The following SPOCK1 variants were observed in gnomAD, a reference collection of about 807,000 sequenced individuals.
The protein encoded by SPOCK1 is testican-1.
SPOCK1 carries 23 observed loss-of-function variants against 55.3 expected under a neutral mutation model. The observed-to-expected ratio is 0.42, with a 90% confidence interval of 0.30 to 0.59. SPOCK1 has a LOEUF of 0.59. SPOCK1 is among the 20% of genes least tolerant of loss of function. The pLI is 0.22. For synonymous variants in SPOCK1, 226 were observed against 221.0 expected, an observed-to-expected ratio of 1.02 and a Z score of -0.20; for missense variants, 499 against 552.5, an observed-to-expected ratio of 0.90 and a Z score of 0.97.
chr5:137,044,257 G>A (rs1418426963), intron 6 of SPOCK1, among the ~76,000 whole-genome samples: 1 of 152,152 alleles, frequency 6.6e-6, no homozygotes, highest in Non-Finnish European at 1.5e-5. Flanking sequence ...TGTGTGCAAA[G>A]GCCTTCACAG....
chr5:137,226,677 C>T (rs1006554102), intron 3 of SPOCK1, among the ~76,000 whole-genome samples: 2 of 152,224 alleles, frequency 1.3e-5, no homozygotes, highest in Non-Finnish European at 2.9e-5. Context: ...TACCCGTAGG[C>T]TCAGGACTTG....
intron 2 of SPOCK1, among the ~76,000 whole-genome samples, chr5:137,301,943 G>C (rs745528091): frequency 6.6e-6 from 1 of 152,086 alleles, no homozygotes; most frequent in African/African-American, 2.4e-5. Context: ...TGACATCCAC[G>C]AGCCCACTCC....
chr5:137,137,304 T>G (rs1177144328), intron 4 of SPOCK1, among the ~76,000 whole-genome samples: 2 of 152,106 alleles, frequency 1.3e-5, no homozygotes, highest in Non-Finnish European at 2.9e-5. Flanking sequence ...GAGAGAAAGA[T>G]TACTTCCCTG....
At chr5:137,094,860 G>A (rs1753113174) in intron 5 of SPOCK1, among the ~76,000 whole-genome samples, 2 of 152,226 alleles carry the variant, frequency 1.3e-5, no homozygotes, top group African/African-American at 4.8e-5. Flanking sequence ...CAAGAGGCCT[G>A]GCTTTGGCCT....
At chr5:137,106,253 A>C (rs1485917634) in intron 5 of SPOCK1, among the ~76,000 whole-genome samples, 1 of 152,066 alleles carries the variant, frequency 6.6e-6, no homozygotes, top group African/African-American at 2.4e-5. Context: ...CTCCAGAGTG[A>C]GAAAGCCTGA....
chr5:137,274,017 G>A (rs543468525), intron 2 of SPOCK1, among the ~76,000 whole-genome samples: 1 of 152,330 alleles, frequency 6.6e-6, no homozygotes, highest in African/African-American at 2.4e-5. Context: ...GTCCTGGTCA[G>A]TCCATCCAAG....
chr5:137,395,484 C>T (rs1046215544), intron 2 of SPOCK1, among the ~76,000 whole-genome samples: 2 of 152,164 alleles, frequency 1.3e-5, no homozygotes, highest in Non-Finnish European at 2.9e-5. Context: ...AACAGGAGGA[C>T]ATTTTATCAG....
chr5:137,245,870 G>T (rs966327014), intron 3 of SPOCK1, among the ~76,000 whole-genome samples: 8 of 152,018 alleles, frequency 5.3e-5, no homozygotes, highest in Non-Finnish European at 1.0e-4. Context: ...TATACTGCCT[G>T]TCTATTAACA....
intron 3 of SPOCK1, among the ~76,000 whole-genome samples, chr5:137,259,487 T>C (rs1459866023): frequency 2.0e-5 from 3 of 151,802 alleles, no homozygotes; most frequent in African/African-American, 7.3e-5. Context: ...TGGGGCCTGT[T>C]GGGGGATGGG....
At chr5:137,126,527 C>T (rs1753784695) in intron 4 of SPOCK1, among the ~76,000 whole-genome samples, 1 of 152,138 alleles carries the variant, frequency 6.6e-6, no homozygotes, top group African/African-American at 2.4e-5. Flanking sequence ...CTTTGGGAGG[C>T]CAAAGCGGGT....
chr5:137,449,750 C>T (rs535513190), intron 2 of SPOCK1, among the ~76,000 whole-genome samples: 2 of 147,810 alleles, frequency 1.4e-5, no homozygotes, highest in East Asian at 4.0e-4. Context: ...AATAAAATAG[C>T]CAGGTGTAGT....
chr5:137,251,724 G>T (rs1038885456), intron 3 of SPOCK1, among the ~76,000 whole-genome samples: 1 of 152,132 alleles, frequency 6.6e-6, no homozygotes, highest in Admixed American at 6.5e-5. Context: ...GCATGAGAGA[G>T]CTCACAGTAA....
At chr5:137,121,319 C>T (rs567091586) in intron 4 of SPOCK1, among the ~76,000 whole-genome samples, 7 of 152,150 alleles carry the variant, frequency 4.6e-5, no homozygotes, top group East Asian at 1.9e-4. Context: ...TAAAGATCCA[C>T]AGACTGATAA....
intron 2 of SPOCK1, among the ~76,000 whole-genome samples, chr5:137,368,807 T>C (rs1463784117): frequency 6.6e-6 from 1 of 152,200 alleles, no homozygotes; most frequent in African/African-American, 2.4e-5. Flanking sequence ...GGACTGTGTG[T>C]TCCAGAGGAA....
intron 6 of SPOCK1, among the ~76,000 whole-genome samples, chr5:137,034,049 A>G (rs1751833334): frequency 6.6e-6 from 1 of 152,242 alleles, no homozygotes; most frequent in Non-Finnish European, 1.5e-5. Context: ...ACCTTGTAGC[A>G]CAGTGGCTGA....
Position 137,095,102 on chromosome 5 carries a change from A to C in SPOCK1, c.474+17333T>G, listed in dbSNP as rs1371979901. Among the ~76,000 whole-genome samples, 4 of 152,222 alleles carry C rather than the reference A, an allele frequency of 2.6e-5. No individual in the cohort carries two copies. In the South Asian group the frequency reaches 8.3e-4, roughly 32 times the overall value. ...AGCAGTCAGAACACATACCAGATTT[A>C]TCAATTAATTTCATCATCTTATGTT... On this transcript the variant is annotated intron_variant, in intron 5 of 10. Coordinates refer to ENST00000394945, the MANE Select transcript of SPOCK1 (RefSeq NM_004598.4).
chr5:137,414,236 C>G (rs1298659759), intron 2 of SPOCK1, among the ~76,000 whole-genome samples: 1 of 152,200 alleles, frequency 6.6e-6, no homozygotes, highest in Non-Finnish European at 1.5e-5. Flanking sequence ...AGCTTCCCCT[C>G]CAAGCAAGTA....
chr5:137,024,776 A>G (rs1751639789), intron 6 of SPOCK1, among the ~76,000 whole-genome samples: 1 of 152,204 alleles, frequency 6.6e-6, no homozygotes, highest in African/African-American at 2.4e-5. Context: ...ATCCAAAGGA[A>G]CAGAAATCAG....
In SPOCK1 at chr5:137,163,034, T is replaced by C. The variant is rs186379196; in HGVS notation, c.233-22340A>G. 3.6e-3 allele frequency among the ~76,000 whole-genome samples: 546 copies of C among 152,342 alleles called. 2 individuals are homozygous for C. The highest frequency in any genetic ancestry group is 8.0e-3 in the African/African-American group (334 of 41,596). ...AGCTGCAGAGCTGAAACTAGAACTC[T>C]GGCCTCATACCCCTAGCCCAGTGTT... On this transcript the variant is annotated intron_variant, in intron 3 of 10. Transcript: ENST00000394945.
Sources: gnomAD v4.1 joint callset for allele counts (sites outside exome capture counted in the v4.1 genomes callset) on GRCh38, gnomAD v4.1.1 for gene constraint, MANE v1.5 for transcripts, NCBI Gene and HGNC (gene_info 2026-07-23, HGNC 2026-07-21) for gene names.